OR5M3: variants seen among roughly 807,000 people sequenced by gnomAD.
OR5M3 encodes the protein olfactory receptor family 5 subfamily M member 3.
For missense variants in OR5M3, 384 were observed against 378.6 expected, an observed-to-expected ratio of 1.01 and a Z score of -0.12; for synonymous variants, 129 against 131.3, an observed-to-expected ratio of 0.98 and a Z score of 0.12.
At position 56,470,105 on chromosome 11, in the gene OR5M3, G is replaced by C; in HGVS notation, c.393C>G (p.Gly131=). The change falls in exon 2 of 2, where the codon GGC becomes GGG. Residue 131 remains glycine (G), a synonymous_variant. Transcript: ENST00000641993. ...TACAGACAACCCTTGACATTTTACT[G>C]CCATAAAGCAGAGGATTCCCAATTG... is the stretch of plus-strand genomic sequence containing the variant. ...YMAIGNPLLY[G]SKMSRVVCIR... is the part of the protein sequence containing the mutation. The C allele has an allele frequency of 6.2e-7, 1 of 1,603,434 alleles. No homozygotes were observed. Among genetic ancestry groups the C allele is most frequent in the Non-Finnish European group, 8.5e-7 (1 of 1,171,064 alleles).
chr11:56,473,244 C>G lies in OR5M3; in HGVS notation c.-68G>C, dbSNP rs1853684043. 2 of 152,016 alleles carry G rather than the reference C, an allele frequency of 1.3e-5. No homozygotes were observed. The highest frequency in any genetic ancestry group is 4.8e-5 in the African/African-American group (2 of 41,402). The allele number at this position is 152,016 out of a possible 1,614,324, so 9.4% of individuals were successfully genotyped here. A position where few individuals can be genotyped will look rare whatever the true frequency, so the allele number is the denominator to read the frequency against. On this transcript the variant is annotated 5_prime_UTR_variant, in exon 1 of 2. Coordinates refer to ENST00000641993, the MANE Select transcript of OR5M3 (RefSeq NM_001004742.3). The stretch of plus-strand genomic sequence containing the variant: ...ACCTGAGAATGATGAGAAATATTCC[C>G]AATGTGGTTGCAGAGTTGAAAAGCG...
chr11:56,471,958 C>A (rs1239702730), intron 1 of OR5M3, among the ~76,000 whole-genome samples: 1 of 151,988 alleles, frequency 6.6e-6, no homozygotes, highest in Admixed American at 6.6e-5. Flanking sequence ...TATTCAATCA[C>A]AATTTGATGA....
chr11:56,469,605 G>C lies in OR5M3; in HGVS notation c.893C>G (p.Ala298Gly), dbSNP rs770115303. 1 of 1,505,388 alleles carries C rather than the reference G, an allele frequency of 6.6e-7. No homozygotes were observed. Among genetic ancestry groups the C allele is most frequent in the East Asian group, 2.3e-5 (1 of 43,744 alleles). 93.3% of individuals were successfully genotyped at this position (1,505,388 alleles called of 1,614,324 possible). ...TGATCTGCTGATCACTTTCATCATG[G>C]CCTTTTTCACATCCTTGTTCCTCAG... ...YSLRNKDVKK[A>G]MMKVISRSC The change falls in exon 2 of 2, where the codon GCC becomes GGC. Residue 298 changes from alanine to glycine, a missense_variant. Ala to Gly is a moderately conservative substitution (Grantham distance 60). Coordinates refer to ENST00000641993, the MANE Select transcript of OR5M3 (RefSeq NM_001004742.3).
rs1853684901 is a variant in OR5M3 at position 56,473,332 on chromosome 11, A to G, written c.-156T>C. 6.6e-6 allele frequency: 1 copy of G among 152,158 alleles called. No homozygotes were observed. The highest frequency in any genetic ancestry group is 2.4e-5 in the African/African-American group (1 of 41,462). The allele number at this position is 152,158 out of a possible 1,614,324, so 9.4% of individuals were successfully genotyped here. ...ATGAAAGGGAAACTTGGAAAAGTCC[A>G]CAGTGGAAGCCTCCCTTAACTGCTT... On this transcript the variant is annotated 5_prime_UTR_variant, in exon 1 of 2. Coordinates refer to ENST00000641993, the MANE Select transcript of OR5M3 (RefSeq NM_001004742.3).
chr11:56,471,077 C>T (rs1853662771), intron 1 of OR5M3, among the ~76,000 whole-genome samples: 1 of 151,936 alleles, frequency 6.6e-6, no homozygotes, highest in South Asian at 2.1e-4. Context: ...CCATCAAAGT[C>T]AAGTTAAAGG....
At position 56,470,012 on chromosome 11, in the gene OR5M3, G is replaced by GT. The variant is rs1565148452; in HGVS notation, c.485dup (p.Tyr162Ter). The GT allele has an allele frequency of 1.2e-6, 2 of 1,609,466 alleles. No homozygotes were observed. Among genetic ancestry groups the GT allele is most frequent in the East Asian group, 2.2e-5 (1 of 44,876 alleles). The change falls in exon 2 of 2, where the codon TAC becomes TAAC. Residue 162 changes from tyrosine (Y) to a stop codon, truncating the protein, a stop_gained and frameshift_variant. Coordinates refer to ENST00000641993, the MANE Select transcript of OR5M3 (RefSeq NM_001004742.3). LOFTEE classifies it low-confidence loss of function (END_TRUNC). ...LTSLAATLWTYGLYFCGKIEI... is the reference protein window; with the variant it reads ...LTSLAATLWT ...CAATTTTTCCACAGAAGTACAAGCC[G>GT]TAAGTCCATAATGTTGCTGCCAGAC...
Position 56,469,929 on chromosome 11 carries a change from G to A in OR5M3, c.569C>T (p.Thr190Ile). 1.2e-6 allele frequency: 2 copies of A among 1,612,458 alleles called. No individual in the cohort carries two copies. The highest frequency in any genetic ancestry group is 1.7e-6 in the Non-Finnish European group (2 of 1,178,538). The change falls in exon 2 of 2, where the codon ACC (threonine) becomes ATC (isoleucine). Residue 190 changes from threonine (T) to isoleucine (I), a missense_variant. Physicochemically the swap from Thr to Ile is moderately conservative, Grantham distance 89 (BLOSUM62 -1). Coordinates refer to ENST00000641993, the MANE Select transcript of OR5M3 (RefSeq NM_001004742.3). ...GATCATTGTATATTCTTTTACAAAG[G>A]TCCCAGCACAGGCCATTTTGATGAG... ...PPLIKMACAG[T>I]FVKEYTMIIL... is the part of the protein sequence containing the mutation.
At chr11:56,471,402 A>G (rs1590904447) in intron 1 of OR5M3, among the ~76,000 whole-genome samples, 2 of 152,036 alleles carry the variant, frequency 1.3e-5, no homozygotes, top group African/African-American at 4.8e-5. Flanking sequence ...CAAATATAAG[A>G]TGTATCATAT....
chr11:56,469,707 T>C lies in OR5M3; in HGVS notation c.791A>G (p.Glu264Gly). 6.2e-7 allele frequency: 1 copy of C among 1,606,458 alleles called. No individual in the cohort carries two copies. Among genetic ancestry groups the C allele is most frequent in the Non-Finnish European group, 8.5e-7 (1 of 1,173,734 alleles). The change falls in exon 2 of 2, where the codon GAG (glutamate) becomes GGG (glycine). Residue 264 changes from glutamate to glycine, a missense_variant. By Grantham distance (98) the Glu-to-Gly change is moderately conservative. Coordinates refer to ENST00000641993, the MANE Select transcript of OR5M3 (RefSeq NM_001004742.3). ...IFMYLRRPTE[E>G]SVEQGKMVAV... ...CACCATCTTCCCCTGCTCCACAGAC[T>C]CCTCTGTGGGACGTCTGAGATACAT...
chr11:56,473,307 A>G lies in OR5M3; in HGVS notation c.-131T>C, dbSNP rs950918720. Reference sequence around the variant, plus strand: ...GGGAATGGTAAACACTTTCAACCTGATGAAAGGGAAACTTGGAAAAGTCCA... The same window carrying G: ...GGGAATGGTAAACACTTTCAACCTGGTGAAAGGGAAACTTGGAAAAGTCCA... On this transcript the variant is annotated 5_prime_UTR_variant, in exon 1 of 2. Coordinates refer to ENST00000641993, the MANE Select transcript of OR5M3 (RefSeq NM_001004742.3). The G allele has an allele frequency of 6.6e-6, 1 of 152,158 alleles. No individual in the cohort carries two copies. Among genetic ancestry groups the G allele is most frequent in the South Asian group, 2.1e-4 (1 of 4,836 alleles). The allele number at this position is 152,158 out of a possible 1,614,324, so 9.4% of individuals were successfully genotyped here.
Position 56,470,542 on chromosome 11 carries a change from C to G in OR5M3, c.-44-1G>C, listed in dbSNP as rs948846798. 2 of 1,091,534 alleles carry G rather than the reference C, an allele frequency of 1.8e-6. No individual in the cohort carries two copies. Among genetic ancestry groups the G allele is most frequent in the Non-Finnish European group, 2.6e-6 (2 of 768,398 alleles). The allele number at this position is 1,091,534 out of a possible 1,614,324, so 67.6% of individuals were successfully genotyped here. A position where few individuals can be genotyped will look rare whatever the true frequency, so the allele number is the denominator to read the frequency against. ...TATCAGTTACAAAACTTTTTGATAA[C>G]TAAAATAAAATAAAGGAAATATTAG... is the stretch of plus-strand genomic sequence containing the variant. On this transcript the variant is annotated splice_acceptor_variant, in intron 1 of 1. Coordinates refer to ENST00000641993, the MANE Select transcript of OR5M3 (RefSeq NM_001004742.3). LOFTEE classifies it low-confidence loss of function (5UTR_SPLICE).
chr11:56,470,130 G>T lies in OR5M3; in HGVS notation c.368C>A (p.Ala123Glu). The T allele has an allele frequency of 4.7e-6, 7 of 1,494,860 alleles. No homozygotes were observed. Among genetic ancestry groups the T allele is most frequent in the Non-Finnish European group, 6.4e-6 (7 of 1,088,776 alleles). 92.6% of individuals were successfully genotyped at this position (1,494,860 alleles called of 1,614,324 possible). ...LAAMAFDRYM[A>E]IGNPLLYGSK... ...GCCATAAAGCAGAGGATTCCCAATT[G>T]CCATGTATCTATCAAAGGCCATCGC... is the stretch of plus-strand genomic sequence containing the variant. The change falls in exon 2 of 2, where the codon GCA (alanine) becomes GAA (glutamate). Residue 123 changes from alanine (A) to glutamate (E), a missense_variant. Ala to Glu is a moderately radical substitution (Grantham distance 107, BLOSUM62 -1). Coordinates refer to ENST00000641993, the MANE Select transcript of OR5M3 (RefSeq NM_001004742.3).
chr11:56,470,344 G>A lies in OR5M3; in HGVS notation c.154C>T (p.Gln52Ter). ...GMMVLIKVSP[Q>*]LNNPMYFFLS... ...AAAAAGTACATGGGGTTGTTAAGCT[G>A]AGGACTGACCTTGATTAACACCATC... is the stretch of plus-strand genomic sequence containing the variant. The change falls in exon 2 of 2, where the codon CAG becomes TAG. Residue 52 changes from glutamine to a stop codon, truncating the protein, a stop_gained. Transcript: ENST00000641993. LOFTEE classifies it low-confidence loss of function (END_TRUNC). 6.2e-7 allele frequency: 1 copy of A among 1,613,798 alleles called. No individual in the cohort carries two copies. Among genetic ancestry groups the A allele is most frequent in the Non-Finnish European group, 8.5e-7 (1 of 1,179,834 alleles).
chr11:56,472,936 T>C lies in OR5M3; in HGVS notation c.-45+285A>G, dbSNP rs184180787. On this transcript the variant is annotated intron_variant, in intron 1 of 1. Transcript: ENST00000641993. ...TGCTTTTACTTTTTATGTTCCTCAG[T>C]AGGACTTAATGATAATATCCATTTC... Among the ~76,000 whole-genome samples the C allele has an allele frequency of 2.6e-5, 4 of 152,232 alleles. No individual in the cohort carries two copies. The East Asian group carries it at 5.8e-4, about 22-fold the overall frequency.
intron 1 of OR5M3, among the ~76,000 whole-genome samples, chr11:56,471,122 A>G (rs1207698338): frequency 6.6e-6 from 1 of 152,082 alleles, no homozygotes; most frequent in Non-Finnish European, 1.5e-5. Context: ...CTATATAAAC[A>G]TTTCCTGGAT....
intron 1 of OR5M3, among the ~76,000 whole-genome samples, chr11:56,472,674 A>G (rs1022124470): frequency 6.6e-6 from 1 of 152,098 alleles, no homozygotes; most frequent in Non-Finnish European, 1.5e-5. Flanking sequence ...GGACCTCAAG[A>G]GTATTTAGAG....
intron 1 of OR5M3, among the ~76,000 whole-genome samples, chr11:56,471,336 T>C (rs907233034): frequency 6.6e-5 from 10 of 152,076 alleles, no homozygotes; most frequent in Admixed American, 5.9e-4. Flanking sequence ...TTATTCTTCT[T>C]TGAGGGTTCA....
chr11:56,470,567 G>T, intron 1 of OR5M3, 26 bp from the exon 2 acceptor site: 2 of 825,556 alleles, frequency 2.4e-6, no homozygotes, highest in Non-Finnish European at 3.6e-6. Context: ...GGAAATATTA[G>T]AATATTTATT....
chr11:56,470,083 A>C lies in OR5M3; in HGVS notation c.415T>G (p.Cys139Gly). Reference sequence around the variant, plus strand: ...TAAGGGAAAGTAATCAGTCGAATACAGACAACCCTTGACATTTTACTGCCA... The same window carrying C: ...TAAGGGAAAGTAATCAGTCGAATACCGACAACCCTTGACATTTTACTGCCA... ...LYGSKMSRVV[C>G]IRLITFPYIY... Residue 139 changes from cysteine (C) to glycine (G), a missense_variant, in exon 2 of 2, where the codon TGT (cysteine) becomes GGT (glycine). By Grantham distance (159) the Cys-to-Gly change is radical. Coordinates refer to ENST00000641993, the MANE Select transcript of OR5M3 (RefSeq NM_001004742.3). 1 of 1,606,374 alleles carries C rather than the reference A, an allele frequency of 6.2e-7. No homozygotes were observed. The highest frequency in any genetic ancestry group is 8.5e-7 in the Non-Finnish European group (1 of 1,173,150).
Sources: gnomAD v4.1 joint callset for allele counts (sites outside exome capture counted in the v4.1 genomes callset) on GRCh38, gnomAD v4.1.1 for gene constraint, MANE v1.5 for transcripts, NCBI Gene and HGNC (gene_info 2026-07-23, HGNC 2026-07-21) for gene names.